Variants in CEP128 observed in about 807,000 individuals in gnomAD.
CEP128 encodes centrosomal protein 128kDa.
CEP128 carries 132 observed loss-of-function variants against 156.7 expected under a neutral mutation model. The observed-to-expected ratio is 0.84, with a 90% CI of 0.73 to 0.97. The LOEUF (loss-of-function observed/expected upper bound fraction) is 0.97. Ranked by LOEUF, CEP128 falls within the 50% of genes least tolerant of loss-of-function variation. The pLI, the probability that CEP128 is intolerant of heterozygous loss-of-function variation, is 0.00. For missense variants in CEP128, 1,252 were observed against 1,281.9 expected, an observed-to-expected ratio of 0.98 and a Z score of 0.36; for synonymous variants, 469 against 448.9, an observed-to-expected ratio of 1.04 and a Z score of -0.57.
chr14:80,778,142 G>T, intron 15 of CEP128, 96 bp from the exon 16 acceptor site: 1 of 981,492 alleles, frequency 1.0e-6, no homozygotes, highest in Non-Finnish European at 1.6e-6. Context: ...AACACTGCAA[G>T]ATTTCAGCTC....
At chr14:80,927,292 GA>G (rs1035085028) in intron 2 of CEP128, among the ~76,000 whole-genome samples, 3 of 152,212 alleles carry the variant, frequency 2.0e-5, no homozygotes, top group African/African-American at 7.2e-5. Flanking sequence ...GGCTCAGTAG[GA>G]AAAGTATGTG....
intron 17 of CEP128, among the ~76,000 whole-genome samples, chr14:80,760,096 T>C (rs1475034126): frequency 6.6e-6 from 1 of 151,858 alleles, no homozygotes; most frequent in Non-Finnish European, 1.5e-5. Flanking sequence ...AGGCTCCACA[T>C]TCATTAAATA....
intron 13 of CEP128, among the ~76,000 whole-genome samples, chr14:80,816,990 G>A (rs1237429613): frequency 6.7e-6 from 1 of 148,464 alleles, no homozygotes; most frequent in African/African-American, 2.5e-5. Context: ...CAACTAGGTA[G>A]CAATCAGTGA....
chr14:80,588,658 C>T (rs1263966157), intron 19 of CEP128, among the ~76,000 whole-genome samples: 1 of 151,906 alleles, frequency 6.6e-6, no homozygotes, highest in Non-Finnish European at 1.5e-5. Flanking sequence ...AATTGTTGCC[C>T]CATCCCCTCC....
At chr14:80,921,835 C>T (rs769343840) in intron 2 of CEP128, among the ~76,000 whole-genome samples, 33 of 151,822 alleles carry the variant, frequency 2.2e-4, no homozygotes, top group Non-Finnish European at 4.0e-4. Context: ...TGGCGGCGTG[C>T]GCCTGTAATC....
At chr14:80,517,942 C>A (rs1028173565) in intron 23 of CEP128, among the ~76,000 whole-genome samples, 1 of 151,972 alleles carries the variant, frequency 6.6e-6, no homozygotes, top group Non-Finnish European at 1.5e-5. Flanking sequence ...CCTGCCAGAT[C>A]CAGAGGGGTG....
chr14:80,801,176 T>C (rs143192478), intron 13 of CEP128, among the ~76,000 whole-genome samples: 1 of 152,336 alleles, frequency 6.6e-6, no homozygotes, highest in African/African-American at 2.4e-5. Flanking sequence ...AATCATTTCA[T>C]CTGCAAACAG....
At chr14:80,622,849 AC>A (rs1240298919) in intron 19 of CEP128, among the ~76,000 whole-genome samples, 4 of 149,426 alleles carry the variant, frequency 2.7e-5, no homozygotes, top group African/African-American at 9.8e-5. Flanking sequence ...GAACACTTTT[AC>A]ACTGTTGGTG....
chr14:80,529,612 G>A (rs545083723), intron 22 of CEP128, among the ~76,000 whole-genome samples: 343 of 152,186 alleles, frequency 2.3e-3, no homozygotes, highest in Non-Finnish European at 3.9e-3. Context: ...TCTCTTGTCT[G>A]CCCTTCATTT....
intron 18 of CEP128, among the ~76,000 whole-genome samples, chr14:80,748,075 G>A (rs1054818279): frequency 9.9e-5 from 15 of 152,176 alleles, no homozygotes; most frequent in African/African-American, 3.6e-4. Flanking sequence ...AGTCAAGGCA[G>A]AAAAACAAAG....
At chr14:80,602,975 A>C (rs1178564916) in intron 19 of CEP128, among the ~76,000 whole-genome samples, 1 of 152,186 alleles carries the variant, frequency 6.6e-6, no homozygotes, top group Non-Finnish European at 1.5e-5. Flanking sequence ...TTTGAGAAAA[A>C]TGAAAACAAA....
intron 4 of CEP128, among the ~76,000 whole-genome samples, chr14:80,912,783 TAAC>T (rs10569189): frequency 0.071 from 9,857 of 138,604 alleles, 1,048 homozygotes; most frequent in African/African-American, 0.24. Context: ...ATAATAATAA[TAAC>T]AAGCCGTCAA....
At chr14:80,934,441 G>C (rs1222469068) in intron 2 of CEP128, among the ~76,000 whole-genome samples, 2 of 152,154 alleles carry the variant, frequency 1.3e-5, no homozygotes. Context: ...AACATCAGAG[G>C]TACAAACGCG....
At chr14:80,573,863 G>T (rs17110806) in intron 20 of CEP128, among the ~76,000 whole-genome samples, 24,211 of 152,096 alleles carry the variant, frequency 0.16, 2,198 homozygotes, top group East Asian at 0.19. Context: ...GTGGCAAAGG[G>T]TCGCCCAACC....
intron 13 of CEP128, among the ~76,000 whole-genome samples, chr14:80,824,965 C>G (rs1885390062): frequency 6.6e-6 from 1 of 152,142 alleles, no homozygotes; most frequent in Admixed American, 6.6e-5. Context: ...AATGGACTTA[C>G]AGGTTCACGT....
intron 19 of CEP128, among the ~76,000 whole-genome samples, chr14:80,649,108 A>G (rs1894784135): frequency 6.6e-6 from 1 of 152,178 alleles, no homozygotes; most frequent in Admixed American, 6.6e-5. Context: ...TTGTAGAAGA[A>G]GAGGCCTGGC....
At chr14:80,545,123 C>T (rs1889927047) in intron 21 of CEP128, among the ~76,000 whole-genome samples, 1 of 152,164 alleles carries the variant, frequency 6.6e-6, no homozygotes, top group Admixed American at 6.5e-5. Context: ...TCCCTGTGAG[C>T]CTACTCAAAC....
At chr14:80,571,219 C>CA (rs1891127211) in intron 20 of CEP128, among the ~76,000 whole-genome samples, 1 of 152,174 alleles carries the variant, frequency 6.6e-6, no homozygotes, top group African/African-American at 2.4e-5. Flanking sequence ...TTAGATTCAT[C>CA]ACTGAGATCA....
At chr14:80,823,632 T>G (rs1595458790) in intron 13 of CEP128, among the ~76,000 whole-genome samples, 1 of 151,264 alleles carries the variant, frequency 6.6e-6, no homozygotes, top group Non-Finnish European at 1.5e-5. Context: ...TCCAAAATGA[T>G]CTCCTTTGAT....
Sources: gnomAD v4.1 joint callset for allele counts (sites outside exome capture counted in the v4.1 genomes callset) on GRCh38, gnomAD v4.1.1 for gene constraint, MANE v1.5 for transcripts, NCBI Gene and HGNC (gene_info 2026-07-23, HGNC 2026-07-21) for gene names.